Variants in CACNA1D observed in about 807,000 individuals in gnomAD.
CACNA1D encodes calcium voltage-gated channel subunit alpha1 D, also known as voltage-dependent L-type calcium channel subunit alpha-1D.
CACNA1D carries 55 observed loss-of-function variants against 257.1 expected under a neutral mutation model. That is an observed-to-expected ratio of 0.21 (90% CI 0.17 to 0.27). CACNA1D has a LOEUF of 0.27. Among genes scored for constraint, CACNA1D ranks in the 10% least tolerant of loss-of-function variants. CACNA1D has a pLI of 1.00. For synonymous variants in CACNA1D, 980 were observed against 1,014.9 expected (o/e 0.97, Z 0.65); for missense variants, 1,876 against 2,784.0 (o/e 0.67, Z 7.34).
intron 45 of CACNA1D, among the ~76,000 whole-genome samples, chr3:53,807,157 T>A: frequency 6.6e-6 from 1 of 151,722 alleles, no homozygotes; most frequent in East Asian, 2.0e-4. Flanking sequence ...ATGGTGGGGA[T>A]CCCTGGAGCA....
intron 40 of CACNA1D, among the ~76,000 whole-genome samples, chr3:53,795,089 A>C (rs1025302267): frequency 6.6e-6 from 1 of 152,218 alleles, no homozygotes; most frequent in Non-Finnish European, 1.5e-5. Flanking sequence ...TTCGTCTAGC[A>C]TGGCCGAGTC....
chr3:53,767,301 A>T (rs750016721), intron 30 of CACNA1D, among the ~76,000 whole-genome samples: 2 of 152,164 alleles, frequency 1.3e-5, no homozygotes, highest in Non-Finnish European at 2.9e-5. Context: ...GCAGTGGCTC[A>T]TGCCTGTAAT....
chr3:53,754,314 C>T (rs1019329275), intron 29 of CACNA1D, among the ~76,000 whole-genome samples: 2 of 152,228 alleles, frequency 1.3e-5, no homozygotes, highest in African/African-American at 2.4e-5. Flanking sequence ...CAGTTCCCCA[C>T]TTGTCAGTGG....
intron 3 of CACNA1D, among the ~76,000 whole-genome samples, chr3:53,599,181 T>A (rs961531424): frequency 3.9e-5 from 6 of 152,216 alleles, no homozygotes; most frequent in African/African-American, 1.4e-4. Context: ...TTAAAAATAT[T>A]TTAAAGTAAA....
Position 53,497,321 on chromosome 3 carries a change from T to G in CACNA1D, c.237T>G (p.Ser79=), listed in dbSNP as rs781058978. ...MSTSAPPPVG[S]LSQRKRQQYA... is the part of the protein sequence containing the mutation. ...CCTCTGCACCCCCACCTGTAGGATC[T>G]CTCTCCCAAAGAAAACGTCAGCAAT... Residue 79 remains serine (S), a synonymous_variant, in exon 2 of 48, where the codon TCT becomes TCG. Transcript: ENST00000350061. 1.2e-6 allele frequency: 2 copies of G among 1,614,076 alleles called. No individual in the cohort carries two copies. Among genetic ancestry groups the G allele is most frequent in the East Asian group, 4.5e-5 (2 of 44,878 alleles).
At chr3:53,593,278 A>C (rs1267626144) in intron 3 of CACNA1D, among the ~76,000 whole-genome samples, 1 of 152,208 alleles carries the variant, frequency 6.6e-6, no homozygotes. Context: ...GTAATGATAA[A>C]AGGAATGAGG....
intron 3 of CACNA1D, among the ~76,000 whole-genome samples, chr3:53,603,525 T>C (rs1354067169): frequency 6.6e-6 from 1 of 152,172 alleles, no homozygotes; most frequent in Non-Finnish European, 1.5e-5. Flanking sequence ...ATATAGATGG[T>C]ATTACACTGT....
chr3:53,551,928 CTG>C (rs1207607358), intron 3 of CACNA1D, among the ~76,000 whole-genome samples: 2 of 152,204 alleles, frequency 1.3e-5, no homozygotes, highest in African/African-American at 4.8e-5. Context: ...CCTGCCTCAT[CTG>C]TGACCGTTTG....
chr3:53,545,902 CTT>C (rs1257197185), intron 3 of CACNA1D, among the ~76,000 whole-genome samples: 1 of 152,170 alleles, frequency 6.6e-6, no homozygotes, highest in Non-Finnish European at 1.5e-5. Context: ...TGGTTTATCA[CTT>C]TGCCTTCATG....
intron 19 of CACNA1D, among the ~76,000 whole-genome samples, chr3:53,733,456 T>C (rs184004314): frequency 6.6e-6 from 1 of 152,320 alleles, no homozygotes; most frequent in East Asian, 1.9e-4. Flanking sequence ...GTTTTCCCAA[T>C]TGAGTTTTAT....
At chr3:53,705,875 G>GA (rs1209619700) in intron 9 of CACNA1D, among the ~76,000 whole-genome samples, 1 of 152,204 alleles carries the variant, frequency 6.6e-6, no homozygotes, top group Non-Finnish European at 1.5e-5. Context: ...GTCACAGCCA[G>GA]AAAACCACAC....
intron 3 of CACNA1D, among the ~76,000 whole-genome samples, chr3:53,529,741 G>T (rs1559796846): frequency 6.6e-6 from 1 of 152,088 alleles, no homozygotes; most frequent in Non-Finnish European, 1.5e-5. Flanking sequence ...TAAGTGGGTT[G>T]AGCAACTCAT....
chr3:53,544,181 CAG>C (rs1333529012), intron 3 of CACNA1D, among the ~76,000 whole-genome samples: 21 of 152,114 alleles, frequency 1.4e-4, no homozygotes, highest in African/African-American at 5.1e-4. Flanking sequence ...TGGTCTAACT[CAG>C]AGAGGGTCAT....
intron 3 of CACNA1D, among the ~76,000 whole-genome samples, chr3:53,626,837 A>G (rs1462342108): frequency 6.6e-6 from 1 of 152,034 alleles, no homozygotes; most frequent in East Asian, 1.9e-4. Context: ...CCCTTCCTAG[A>G]TGACCTCTTG....
chr3:53,659,834 G>A (rs1288580893), intron 4 of CACNA1D, among the ~76,000 whole-genome samples: 4 of 152,224 alleles, frequency 2.6e-5, no homozygotes, highest in Non-Finnish European at 5.9e-5. Flanking sequence ...ATTTTAGTTT[G>A]CAGCAGTTCC....
intron 10 of CACNA1D, chr3:53,718,616 C>T (rs55721850): frequency 3.0e-6 from 3 of 1,001,326 alleles, no homozygotes; most frequent in Middle Eastern, 3.2e-4. Flanking sequence ...TTTCACATGC[C>T]TCTTCCTGTA....
chr3:53,709,936 T>C (rs1485969963), intron 9 of CACNA1D, among the ~76,000 whole-genome samples: 1 of 152,216 alleles, frequency 6.6e-6, no homozygotes, highest in East Asian at 1.9e-4. Flanking sequence ...TCCACAGTCT[T>C]CTGACATGGA....
At chr3:53,666,794 C>T (rs560308129) in intron 7 of CACNA1D, among the ~76,000 whole-genome samples, 1 of 152,274 alleles carries the variant, frequency 6.6e-6, no homozygotes, top group Non-Finnish European at 1.5e-5. Flanking sequence ...AGACCTGGTG[C>T]CAAGGGTGCC....
intron 3 of CACNA1D, among the ~76,000 whole-genome samples, chr3:53,538,338 A>G (rs1320243612): frequency 6.6e-6 from 1 of 151,444 alleles, no homozygotes; most frequent in Non-Finnish European, 1.5e-5. Context: ...TGTATTTTTA[A>G]TAGAGATGGG....
Sources: allele counts gnomAD v4.1 joint callset (sites outside exome capture counted in the v4.1 genomes callset), GRCh38; gene constraint gnomAD v4.1.1; transcripts MANE v1.5; gene names NCBI Gene and HGNC (gene_info 2026-07-23, HGNC 2026-07-21).